The following CTNNA2 variants were observed in gnomAD, a reference collection of about 807,000 sequenced individuals.
The protein encoded by CTNNA2 is catenin alpha 2.
CTNNA2 carries 42 observed loss-of-function variants against 101.0 expected under a neutral mutation model. The ratio of observed to expected loss-of-function variants is 0.42; its 90% confidence interval spans 0.32 to 0.54. The LOEUF is 0.54. Among genes scored for constraint, CTNNA2 ranks in the 20% least tolerant of loss-of-function variants. The pLI is 0.14. For missense variants in CTNNA2, 871 were observed against 1,223.1 expected, an observed-to-expected ratio of 0.71 and a Z score of 4.29; for synonymous variants, 450 against 456.4, an observed-to-expected ratio of 0.99 and a Z score of 0.18.
At chr2:80,275,184 G>A (rs1463377807) in intron 7 of CTNNA2, among the ~76,000 whole-genome samples, 2 of 152,106 alleles carry the variant, frequency 1.3e-5, no homozygotes, top group Non-Finnish European at 2.9e-5. Context: ...AGATGTGTTA[G>A]TTGAACCCTG....
chr2:79,796,395 A>AAAAAAG (rs1675702417), intron 3 of CTNNA2, among the ~76,000 whole-genome samples: 1 of 54,956 alleles, frequency 1.8e-5, no homozygotes, highest in African/African-American at 2.7e-4. Flanking sequence ...ACTCCGTCTC[A>AAAAAAG]AAAAAAAAAA....
At chr2:79,320,664 A>G (rs903163895) in intron 3 of CTNNA2, among the ~76,000 whole-genome samples, 18 of 152,142 alleles carry the variant, frequency 1.2e-4, no homozygotes, top group Admixed American at 6.6e-4. Context: ...AGACCAGCCC[A>G]TGTGTGAGAT....
chr2:80,122,493 T>A (rs1371379182), intron 7 of CTNNA2, among the ~76,000 whole-genome samples: 8 of 152,166 alleles, frequency 5.3e-5, no homozygotes, highest in Admixed American at 5.2e-4. Flanking sequence ...ACTTTTTTTC[T>A]TGCTGAAAAT....
At chr2:79,197,340 G>A (rs1673974737) in intron 1 of CTNNA2, among the ~76,000 whole-genome samples, 1 of 151,908 alleles carries the variant, frequency 6.6e-6, no homozygotes, top group African/African-American at 2.4e-5. Flanking sequence ...AACAAAAGGT[G>A]TAGCATCTTA....
At chr2:80,143,320 A>T (rs1050979118) in intron 7 of CTNNA2, among the ~76,000 whole-genome samples, 1 of 152,182 alleles carries the variant, frequency 6.6e-6, no homozygotes, top group African/African-American at 2.4e-5. Context: ...TCAAATCATA[A>T]TTGAATATAT....
At position 79,789,427 on chromosome 2, in the gene CTNNA2, CA is replaced by C. The variant is rs560990071; in HGVS notation, c.298+44846del. The stretch of plus-strand genomic sequence containing the variant: ...GTCAGCTCACAAAGGACATTGTGAC[CA>C]GAGTGGAAGGAGTTTATTTTGTATG... On this transcript the variant is annotated intron_variant, in intron 3 of 18. Coordinates refer to ENST00000402739, the MANE Select transcript of CTNNA2 (RefSeq NM_001282597.3). Among the ~76,000 whole-genome samples, 318 of 152,084 alleles carry C rather than the reference CA, an allele frequency of 2.1e-3. 2 individuals are homozygous for C. The highest frequency in any genetic ancestry group is 6.3e-3 in the African/African-American group (263 of 41,496).
intron 4 of CTNNA2, among the ~76,000 whole-genome samples, chr2:79,451,310 T>C (rs1338185825): frequency 6.6e-6 from 1 of 152,120 alleles, no homozygotes; most frequent in Non-Finnish European, 1.5e-5. Flanking sequence ...TCTGCTAGTT[T>C]CAAGTGATTG....
chr2:79,658,878 G>A (rs889195366), intron 2 of CTNNA2, among the ~76,000 whole-genome samples: 1 of 151,920 alleles, frequency 6.6e-6, no homozygotes, highest in Admixed American at 6.6e-5. Context: ...TTAGGCTCTG[G>A]TGAATTTTAT....
chr2:79,741,925 C>T (rs1671313423), intron 2 of CTNNA2, among the ~76,000 whole-genome samples: 2 of 152,114 alleles, frequency 1.3e-5, no homozygotes, highest in African/African-American at 4.8e-5. Context: ...CTGATTATGA[C>T]ATGAGCCTTT....
At chr2:79,226,860 T>A (rs1301570573) in intron 2 of CTNNA2, among the ~76,000 whole-genome samples, 1 of 152,088 alleles carries the variant, frequency 6.6e-6, no homozygotes, top group Non-Finnish European at 1.5e-5. Flanking sequence ...GGTAACTTCA[T>A]CTTAGCAACA....
chr2:79,332,973 A>G (rs1273021710), intron 3 of CTNNA2, among the ~76,000 whole-genome samples: 10 of 152,214 alleles, frequency 6.6e-5, no homozygotes. Context: ...GTTTTATTTC[A>G]ACAAGTTTTA....
In CTNNA2 at chr2:79,517,296, T is replaced by C. The variant is rs73938717; in HGVS notation, c.-6+4089T>C. On this transcript the variant is annotated intron_variant, in intron 1 of 18. Coordinates refer to ENST00000402739, the MANE Select transcript of CTNNA2 (RefSeq NM_001282597.3). ...TTTCCAGAAAATTTTACCCACAAGT[T>C]TGAAGTATCAGTATTTATCATGCTC... Among the ~76,000 whole-genome samples, 183 of 152,324 alleles carry C rather than the reference T, an allele frequency of 1.2e-3. 1 individual carries two copies. Among genetic ancestry groups the C allele is most frequent in the African/African-American group, 4.1e-3 (169 of 41,582 alleles).
At chr2:80,195,287 A>G (rs1161002167) in intron 7 of CTNNA2, among the ~76,000 whole-genome samples, 1 of 152,306 alleles carries the variant, frequency 6.6e-6, no homozygotes, top group Admixed American at 6.5e-5. Context: ...TTTGAAGAAA[A>G]GTATACCACT....
At chr2:79,986,574 A>T (rs181432097) in intron 7 of CTNNA2, among the ~76,000 whole-genome samples, 1 of 152,250 alleles carries the variant, frequency 6.6e-6, no homozygotes, top group African/African-American at 2.4e-5. Context: ...TTCTGCAGGA[A>T]GTTTTATGCA....
intron 2 of CTNNA2, among the ~76,000 whole-genome samples, chr2:79,248,292 T>G (rs1674723834): frequency 6.6e-6 from 1 of 152,096 alleles, no homozygotes; most frequent in Non-Finnish European, 1.5e-5. Flanking sequence ...TTTTAAAATT[T>G]TAGTAGCCAT....
At chr2:80,501,937 T>C (rs1687913119) in intron 9 of CTNNA2, among the ~76,000 whole-genome samples, 1 of 152,130 alleles carries the variant, frequency 6.6e-6, no homozygotes, top group East Asian at 1.9e-4. Context: ...GAACTCAAGA[T>C]TGGAAAATTT....
At chr2:79,797,565 G>A (rs929361696) in intron 3 of CTNNA2, among the ~76,000 whole-genome samples, 5 of 151,324 alleles carry the variant, frequency 3.3e-5, no homozygotes, top group African/African-American at 1.2e-4. Context: ...GGAGGCTGAG[G>A]CAGGAGAACT....
intron 2 of CTNNA2, among the ~76,000 whole-genome samples, chr2:79,225,174 GT>G (rs1241524686): frequency 6.6e-6 from 1 of 151,992 alleles, no homozygotes; most frequent in African/African-American, 2.4e-5. Context: ...AAATAGATGT[GT>G]TTTTAGTTTT....
At chr2:79,751,163 G>T (rs1467639745) in intron 3 of CTNNA2, among the ~76,000 whole-genome samples, 1 of 152,258 alleles carries the variant, frequency 6.6e-6, no homozygotes, top group East Asian at 1.9e-4. Context: ...GACAAGAATT[G>T]CAGGTTTAAG....
Sources: allele counts gnomAD v4.1 joint callset (sites outside exome capture counted in the v4.1 genomes callset), GRCh38; gene constraint gnomAD v4.1.1; transcripts MANE v1.5; gene names NCBI Gene and HGNC (gene_info 2026-07-23, HGNC 2026-07-21).